Variants in TBC1D23 observed in about 807,000 individuals in gnomAD.
TBC1D23 encodes the protein HCV non-structural protein 4A-transactivated protein 1.
Under a neutral mutation model 91.4 loss-of-function variants are expected in TBC1D23, and 55 were observed. The observed-to-expected ratio is 0.60, with a 90% CI of 0.48 to 0.75. The LOEUF (loss-of-function observed/expected upper bound fraction) is 0.75. TBC1D23 is among the 30% of genes least tolerant of loss of function. The probability of loss-of-function intolerance (pLI) is 0.00; values close to 1 mark genes in which losing one functional copy is unlikely to be tolerated. For missense variants in TBC1D23, 725 were observed against 836.1 expected (o/e 0.87, Z 1.64); for synonymous variants, 289 against 281.0 (o/e 1.03, Z -0.28).
intron 2 of TBC1D23, among the ~76,000 whole-genome samples, chr3:100,280,549 C>T (rs911990445): frequency 1.3e-5 from 2 of 152,112 alleles, no homozygotes; most frequent in African/African-American, 2.4e-5. Flanking sequence ...AATCTGTTAC[C>T]TACCACCTAT....
intron 4 of TBC1D23, among the ~76,000 whole-genome samples, chr3:100,286,024 AT>A: frequency 6.6e-6 from 1 of 152,144 alleles, no homozygotes; most frequent in Non-Finnish European, 1.5e-5. Context: ...AGGTATAGAT[AT>A]TTTTAAATCT....
At chr3:100,298,155 G>T in intron 9 of TBC1D23, 110 bp downstream of exon 9, 1 of 895,692 alleles carries the variant, frequency 1.1e-6, no homozygotes, top group South Asian at 2.1e-5. Context: ...CAACAAGGTG[G>T]CTCTTTTGGC....
intron 1 of TBC1D23, 72 bp from the exon 2 acceptor site, chr3:100,279,577 C>A: frequency 9.5e-7 from 1 of 1,056,240 alleles, no homozygotes; most frequent in Non-Finnish European, 1.4e-6. Flanking sequence ...ATAGGCCATG[C>A]TTATAAATGA....
chr3:100,281,744 T>A lies in TBC1D23; in HGVS notation c.168T>A (p.Ile56=), dbSNP rs746998064. The part of the protein sequence containing the change: ...PADLRAKVWK[I]ALNVAGKGDS... ...CACTTTTTAAATCTTTCTTCCAGAT[T>A]GCTCTGAATGTTGCAGGAAAAGGTG... The change falls in exon 3 of 19, where the codon ATT becomes ATA. Residue 56 remains isoleucine, a splice_region_variant and synonymous_variant. Coordinates refer to ENST00000394144, the MANE Select transcript of TBC1D23 (RefSeq NM_001199198.3). 4.4e-6 allele frequency: 7 copies of A among 1,605,232 alleles called. No individual in the cohort carries two copies. In the Admixed American group the frequency reaches 1.2e-4, roughly 27 times the overall value.
intron 8 of TBC1D23, among the ~76,000 whole-genome samples, chr3:100,297,269 C>A (rs1705316649): frequency 6.6e-6 from 1 of 152,040 alleles, no homozygotes; most frequent in Non-Finnish European, 1.5e-5. Context: ...GTTTAGTATA[C>A]TGTGTTTTAG....
At chr3:100,262,202 G>A (rs2067516971) in intron 1 of TBC1D23, among the ~76,000 whole-genome samples, 1 of 152,128 alleles carries the variant, frequency 6.6e-6, no homozygotes, top group South Asian at 2.1e-4. Context: ...TTATGTTGGA[G>A]TTGGGAAGGT....
chr3:100,261,283 G>T (rs1559796791), intron 1 of TBC1D23: 6 of 583,332 alleles, frequency 1.0e-5, no homozygotes, highest in South Asian at 2.0e-5. Context: ...AAGGAGAGGG[G>T]TGTCATCCAG....
chr3:100,319,483 T>C (rs888351121), intron 17 of TBC1D23, among the ~76,000 whole-genome samples: 3 of 152,060 alleles, frequency 2.0e-5, no homozygotes, highest in African/African-American at 7.2e-5. Context: ...GGCTGGAGTG[T>C]AGTGGCACGA....
chr3:100,277,268 A>T (rs186667488), intron 1 of TBC1D23, among the ~76,000 whole-genome samples: 1 of 152,244 alleles, frequency 6.6e-6, no homozygotes, highest in African/African-American at 2.4e-5. Flanking sequence ...TTATAAGCAC[A>T]TTTATATTGT....
chr3:100,312,134 T>C (rs966942965), intron 15 of TBC1D23, among the ~76,000 whole-genome samples: 3 of 152,214 alleles, frequency 2.0e-5, no homozygotes, highest in Non-Finnish European at 4.4e-5. Context: ...TTAAGTTTGT[T>C]CAAAACCTGC....
At chr3:100,316,841 C>T (rs954741562) in intron 16 of TBC1D23, among the ~76,000 whole-genome samples, 1 of 151,932 alleles carries the variant, frequency 6.6e-6, no homozygotes, top group African/African-American at 2.4e-5. Flanking sequence ...GCTGTAATCC[C>T]AGCACTTTGG....
chr3:100,310,183 A>T (rs1432103617), intron 13 of TBC1D23, among the ~76,000 whole-genome samples: 1 of 152,178 alleles, frequency 6.6e-6, no homozygotes, highest in African/African-American at 2.4e-5. Flanking sequence ...CACCAGTCAG[A>T]CTGGATTAGA....
chr3:100,310,529 A>G lies in TBC1D23; in HGVS notation c.1540A>G (p.Thr514Ala), dbSNP rs746767562. 1 of 1,612,158 alleles carries G rather than the reference A, an allele frequency of 6.2e-7. No homozygotes were observed. Among genetic ancestry groups the G allele is most frequent in the South Asian group, 1.1e-5 (1 of 90,742 alleles). Reference protein sequence around the residue: ...KVISFIENTSTPVDRMSFNLP... With the variant: ...KVISFIENTSAPVDRMSFNLP... ...TATCAGTTTTATAGAGAATACATCA[A>G]CTCCTGTGGATCGGTGAGTTGTTTA... The change falls in exon 14 of 19, where the codon ACT (threonine) becomes GCT (alanine). Residue 514 changes from threonine to alanine, a missense_variant. Thr to Ala is a moderately conservative substitution (Grantham distance 58, BLOSUM62 0). Coordinates refer to ENST00000394144, the MANE Select transcript of TBC1D23 (RefSeq NM_001199198.3).
At chr3:100,273,712 A>G (rs534301351) in intron 1 of TBC1D23, among the ~76,000 whole-genome samples, 1 of 152,258 alleles carries the variant, frequency 6.6e-6, no homozygotes, top group South Asian at 2.1e-4. Flanking sequence ...CAGAAATAAG[A>G]CTGCACACCT....
In TBC1D23 at chr3:100,299,398, A is replaced by G. The variant is rs573138234; in HGVS notation, c.1092+67A>G. On this transcript the variant is annotated intron_variant, in intron 10 of 18. Coordinates refer to ENST00000394144, the MANE Select transcript of TBC1D23 (RefSeq NM_001199198.3). The stretch of plus-strand genomic sequence containing the variant: ...TTTCCTTCAGTTCATAAATAAATAT[A>G]TAGGTCCCAGATTGGGGAATTTTTT... 83 of 952,364 alleles carry G rather than the reference A, an allele frequency of 8.7e-5. No homozygotes were observed. The South Asian group carries it at 1.2e-3, about 14-fold the overall frequency. 59.0% of individuals were successfully genotyped at this position (952,364 alleles called of 1,614,324 possible).
intron 5 of TBC1D23, among the ~76,000 whole-genome samples, chr3:100,293,570 T>C (rs1432861677): frequency 1.2e-4 from 18 of 152,248 alleles, no homozygotes; most frequent in Admixed American, 1.2e-3. Flanking sequence ...CTAAGTGAGC[T>C]TAAAGATGAC....
chr3:100,308,332 G>A (rs193295206), intron 13 of TBC1D23, among the ~76,000 whole-genome samples: 51 of 152,144 alleles, frequency 3.4e-4, no homozygotes, highest in Admixed American at 6.5e-4. Context: ...AAAAATAGCC[G>A]GGCGTGGTGG....
intron 11 of TBC1D23, among the ~76,000 whole-genome samples, chr3:100,303,720 T>G (rs558302469): frequency 6.6e-6 from 1 of 152,198 alleles, no homozygotes; most frequent in South Asian, 2.1e-4. Flanking sequence ...CAGTGAGCCA[T>G]AGTCATGCCA....
chr3:100,279,886 T>G, intron 2 of TBC1D23, 126 bp downstream of exon 2: 1 of 569,498 alleles, frequency 1.8e-6, no homozygotes, highest in Non-Finnish European at 3.2e-6. Context: ...TCTAGATTTA[T>G]CAAACAGCAG....
Sources: gnomAD v4.1 joint callset for allele counts (sites outside exome capture counted in the v4.1 genomes callset) on GRCh38, gnomAD v4.1.1 for gene constraint, MANE v1.5 for transcripts, NCBI Gene and HGNC (gene_info 2026-07-23, HGNC 2026-07-21) for gene names.